Variants in SLC1A2 observed in about 807,000 individuals in gnomAD.
SLC1A2 encodes excitatory amino acid transporter 2.
SLC1A2 carries 15 observed loss-of-function variants against 48.8 expected under a neutral mutation model. The observed-to-expected ratio is 0.31, with a 90% CI of 0.21 to 0.47. SLC1A2 has a LOEUF of 0.47. SLC1A2 is among the 20% of genes least tolerant of loss of function. The pLI is 0.99. For missense variants in SLC1A2, 502 were observed against 730.5 expected, an observed-to-expected ratio of 0.69 and a Z score of 3.61; for synonymous variants, 279 against 272.6, an observed-to-expected ratio of 1.02 and a Z score of -0.23.
At chr11:35,341,496 A>G (rs912614462) in intron 1 of SLC1A2, among the ~76,000 whole-genome samples, 1 of 152,218 alleles carries the variant, frequency 6.6e-6, no homozygotes, top group Non-Finnish European at 1.5e-5. Context: ...ATATTTTTTT[A>G]AAAAAACCTA....
chr11:35,385,885 TGGCCCG>T (rs1275695483), intron 1 of SLC1A2, among the ~76,000 whole-genome samples: 1 of 152,118 alleles, frequency 6.6e-6, no homozygotes, highest in Non-Finnish European at 1.5e-5. Context: ...TAATGACAGT[TGGCCCG>T]GCGCGGTGGC....
chr11:35,353,772 A>C (rs1394853982), intron 1 of SLC1A2, among the ~76,000 whole-genome samples: 1 of 152,190 alleles, frequency 6.6e-6, no homozygotes, highest in African/African-American at 2.4e-5. Context: ...TTGCATGTTA[A>C]ATAGTATTTA....
At chr11:35,360,384 C>T (rs1027281070) in intron 1 of SLC1A2, among the ~76,000 whole-genome samples, 20 of 152,192 alleles carry the variant, frequency 1.3e-4, no homozygotes, top group African/African-American at 4.6e-4. Flanking sequence ...GTTATCCCAG[C>T]AGCCTGTGGG....
intron 1 of SLC1A2, among the ~76,000 whole-genome samples, chr11:35,373,750 C>T (rs1854134087): frequency 6.6e-6 from 1 of 152,152 alleles, no homozygotes; most frequent in Admixed American, 6.5e-5. Flanking sequence ...TGCCATGATA[C>T]AGAGCACTGG....
rs1950233358 is a variant in SLC1A2 at position 35,251,222 on chromosome 11, T to G, written c.*9672A>C. 1 of 152,578 alleles carries G rather than the reference T, an allele frequency of 6.6e-6. No homozygotes were observed. Among genetic ancestry groups the G allele is most frequent in the African/African-American group, 2.4e-5 (1 of 41,432 alleles). The allele number at this position is 152,578 out of a possible 1,614,324, so 9.5% of individuals were successfully genotyped here. A position where few individuals can be genotyped will look rare whatever the true frequency, so the allele number is the denominator to read the frequency against. ...AACCAAAATAAATTGAAATCCACAT[T>G]TATTGATGAGAGATATATACACAAA... On this transcript the variant is annotated 3_prime_UTR_variant, in exon 11 of 11. Transcript: ENST00000278379.
chr11:35,261,811 C>T, intron 10 of SLC1A2: 3 of 398,212 alleles, frequency 7.5e-6, no homozygotes, highest in East Asian at 3.6e-5. Flanking sequence ...ATCTGACTTT[C>T]TTCTTACCCA....
chr11:35,315,188 G>T lies in SLC1A2; in HGVS notation c.158-13C>A. 6.2e-7 allele frequency: 1 copy of T among 1,609,916 alleles called. No homozygotes were observed. The highest frequency in any genetic ancestry group is 8.5e-7 in the Non-Finnish European group (1 of 1,177,022). On this transcript the variant is annotated splice_polypyrimidine_tract_variant and intron_variant, in intron 2 of 10. Coordinates refer to ENST00000278379, the MANE Select transcript of SLC1A2 (RefSeq NM_004171.4). Reference sequence around the variant, plus strand: ...CCCAGGATGACACCTAAAAGGAAGGGGAAAACAATATGAATTTATTTTTTG... The same window carrying T: ...CCCAGGATGACACCTAAAAGGAAGGTGAAAACAATATGAATTTATTTTTTG...
intron 9 of SLC1A2, chr11:35,280,576 T>A (rs1850596397): frequency 2.8e-6 from 1 of 361,634 alleles, no homozygotes; most frequent in Non-Finnish European, 4.9e-6. Context: ...TTCAATATAA[T>A]GTTCTGAGAT....
At chr11:35,399,672 C>T in intron 1 of SLC1A2, 1 of 887,852 alleles carries the variant, frequency 1.1e-6, no homozygotes, top group Non-Finnish European at 1.3e-6. Flanking sequence ...GGATATTCAG[C>T]TCTTTCCATC....
chr11:35,314,946 T>C (rs2134886571), intron 3 of SLC1A2, 77 bp downstream of exon 3: 3 of 1,052,662 alleles, frequency 2.8e-6, no homozygotes, highest in East Asian at 2.4e-5. Flanking sequence ...CTCAACCAAA[T>C]TGAGATTCTA....
At chr11:35,277,611 A>G (rs911064971) in intron 9 of SLC1A2, among the ~76,000 whole-genome samples, 1 of 152,238 alleles carries the variant, frequency 6.6e-6, no homozygotes, top group African/African-American at 2.4e-5. Flanking sequence ...CCTTGGAAAT[A>G]AGCCCAAGAA....
intron 1 of SLC1A2, chr11:35,360,049 A>G: frequency 2.0e-6 from 2 of 984,076 alleles, no homozygotes; most frequent in African/African-American, 3.5e-5. Flanking sequence ...TGACCTGACC[A>G]TTCTCTCGGC....
At chr11:35,391,501 G>T (rs531972030) in intron 1 of SLC1A2, 1 of 152,276 alleles carries the variant, frequency 6.6e-6, no homozygotes, top group South Asian at 2.1e-4. Flanking sequence ...TCTCTACCCT[G>T]TGTGTACCTT....
chr11:35,290,523 T>A (rs1280816994), intron 7 of SLC1A2, among the ~76,000 whole-genome samples: 4 of 152,148 alleles, frequency 2.6e-5, no homozygotes, highest in Non-Finnish European at 4.4e-5. Flanking sequence ...TGACCAGTTA[T>A]CACTGGGTGA....
intron 1 of SLC1A2, among the ~76,000 whole-genome samples, chr11:35,369,406 G>A (rs540391964): frequency 6.6e-6 from 1 of 152,288 alleles, no homozygotes; most frequent in South Asian, 2.1e-4. Flanking sequence ...AGCTTACCAA[G>A]CTCCAGGTTC....
At chr11:35,410,649 CA>C (rs1389380965) in intron 1 of SLC1A2, among the ~76,000 whole-genome samples, 1 of 152,152 alleles carries the variant, frequency 6.6e-6, no homozygotes, top group East Asian at 1.9e-4. Flanking sequence ...ATATTCCCCC[CA>C]ACCCCAAGCC....
chr11:35,370,195 G>T (rs973667203), intron 1 of SLC1A2, among the ~76,000 whole-genome samples: 1 of 152,230 alleles, frequency 6.6e-6, no homozygotes, highest in Admixed American at 6.5e-5. Context: ...TGGAAATACA[G>T]TGTTACTTGC....
rs1854780923 is a variant in SLC1A2, at chr11:35,391,898, G to A, written c.17+27052C>T. 2.0e-5 allele frequency among the ~76,000 whole-genome samples: 3 copies of A among 152,066 alleles called. No homozygotes were observed. The South Asian group carries it at 6.2e-4, about 32-fold the overall frequency. On this transcript the variant is annotated intron_variant, in intron 1 of 10. Coordinates refer to ENST00000278379, the MANE Select transcript of SLC1A2 (RefSeq NM_004171.4). ...TCCAAAGTCACTTTGGGGGAAAAAG[G>A]AGCGTAGGAAAGATTGCAAATATTT...
At chr11:35,265,351 C>T (rs1001179249) in intron 10 of SLC1A2, 176 bp downstream of exon 10, 6 of 570,042 alleles carry the variant, frequency 1.1e-5, no homozygotes, top group Non-Finnish European at 1.8e-5. Context: ...TGATTTCCTG[C>T]CATGTTAGAC....
Sources: allele counts gnomAD v4.1 joint callset (sites outside exome capture counted in the v4.1 genomes callset), GRCh38; gene constraint gnomAD v4.1.1; transcripts MANE v1.5; gene names NCBI Gene and HGNC (gene_info 2026-07-23, HGNC 2026-07-21).